Variants in MPDZ observed in about 807,000 individuals in gnomAD.
MPDZ encodes the protein multiple PDZ domain crumbs cell polarity complex component.
MPDZ carries 234 observed loss-of-function variants against 239.1 expected under a neutral mutation model. That is an observed-to-expected ratio of 0.98 (90% CI 0.88 to 1.09). The LOEUF is 1.09. MPDZ is among the 50% of genes least tolerant of loss of function. The probability of loss-of-function intolerance (pLI) is 0.00; values close to 1 mark genes in which losing one functional copy is unlikely to be tolerated. For missense variants in MPDZ, 3,175 were observed against 2,510.0 expected (o/e 1.26, Z -5.66); for synonymous variants, 1,048 against 881.3 (o/e 1.19, Z -3.35).
intron 3 of MPDZ, among the ~76,000 whole-genome samples, chr9:13,245,022 T>G (rs1156860777): frequency 6.6e-6 from 1 of 152,086 alleles, no homozygotes; most frequent in African/African-American, 2.4e-5. Context: ...AATTATACAT[T>G]TGAAAACAGG....
At chr9:13,263,120 G>A (rs1018975952) in intron 1 of MPDZ, among the ~76,000 whole-genome samples, 2 of 152,050 alleles carry the variant, frequency 1.3e-5, no homozygotes, top group African/African-American at 4.8e-5. Flanking sequence ...ATGATATAAT[G>A]TCCACAATTT....
chr9:13,180,046 A>G (rs1255227315), intron 19 of MPDZ, among the ~76,000 whole-genome samples: 4 of 152,108 alleles, frequency 2.6e-5, no homozygotes, highest in African/African-American at 9.7e-5. Context: ...AAAAGGCAAC[A>G]TCTTTTATAC....
intron 27 of MPDZ, 62 bp downstream of exon 27, chr9:13,143,404 G>C: frequency 7.9e-7 from 1 of 1,259,532 alleles, no homozygotes; most frequent in South Asian, 1.2e-5. Context: ...AGACACAGTA[G>C]TAACAAAGAA....
rs186768883 is a variant in MPDZ at position 13,151,721 on chromosome 9, G to A, written c.3453-1033C>T. Among the ~76,000 whole-genome samples, 8 of 152,124 alleles carry A rather than the reference G, an allele frequency of 5.3e-5. No individual in the cohort carries two copies. In the East Asian group the frequency reaches 1.4e-3, roughly 26 times the overall value. On this transcript the variant is annotated intron_variant, in intron 24 of 46. Transcript: ENST00000319217. ...AAAAGTTCTGTAGCTAGACGGTGGTGGTGACTGTAGAGCAATGTGAATGTA... is the reference window on the plus strand; with the variant it reads ...AAAAGTTCTGTAGCTAGACGGTGGTAGTGACTGTAGAGCAATGTGAATGTA...
intron 30 of MPDZ, 69 bp from the exon 31 acceptor site, chr9:13,136,251 C>G: frequency 9.7e-7 from 1 of 1,031,514 alleles, no homozygotes; most frequent in Non-Finnish European, 1.4e-6. Flanking sequence ...CTTCAAGAGT[C>G]AGAAGGTTAT....
chr9:13,278,725 C>T (rs551072150), intron 1 of MPDZ, among the ~76,000 whole-genome samples: 50 of 152,198 alleles, frequency 3.3e-4, no homozygotes, highest in African/African-American at 1.2e-3. Flanking sequence ...AAAAGGGCGC[C>T]GGTGCCAGGG....
At chr9:13,265,368 A>G (rs955269364) in intron 1 of MPDZ, among the ~76,000 whole-genome samples, 1 of 152,180 alleles carries the variant, frequency 6.6e-6, no homozygotes, top group Non-Finnish European at 1.5e-5. Flanking sequence ...TCGGGAGTTC[A>G]AGAAAAGCCT....
chr9:13,187,364 A>G (rs1050736448), intron 17 of MPDZ, among the ~76,000 whole-genome samples: 1 of 152,180 alleles, frequency 6.6e-6, no homozygotes, highest in African/African-American at 2.4e-5. Context: ...ACTAAAAGGT[A>G]TATTGAGTCA....
At chr9:13,278,468 T>G (rs890065478) in intron 1 of MPDZ, among the ~76,000 whole-genome samples, 2 of 152,154 alleles carry the variant, frequency 1.3e-5, no homozygotes, top group Non-Finnish European at 2.9e-5. Flanking sequence ...GATTTCCATG[T>G]GACTGCAGGC....
At position 13,106,961 on chromosome 9, in the gene MPDZ, C is replaced by A; in HGVS notation, c.*4G>T. On this transcript the variant is annotated 3_prime_UTR_variant, in exon 47 of 47. Transcript: ENST00000319217. ...GTTGGGTTGGTTCAATTCTGGCAGC[C>A]AATTCAAGAGAGAACCATCAAAGTG... 1 of 1,613,074 alleles carries A rather than the reference C, an allele frequency of 6.2e-7. No homozygotes were observed. The highest frequency in any genetic ancestry group is 1.3e-5 in the African/African-American group (1 of 75,012).
chr9:13,117,701 G>C (rs185355177), intron 39 of MPDZ, among the ~76,000 whole-genome samples: 1 of 152,078 alleles, frequency 6.6e-6, no homozygotes, highest in Admixed American at 6.5e-5. Context: ...GGAACTTTAC[G>C]TGCATGAAGT....
At chr9:13,238,270 T>C (rs569228843) in intron 3 of MPDZ, among the ~76,000 whole-genome samples, 2 of 152,242 alleles carry the variant, frequency 1.3e-5, no homozygotes, top group South Asian at 4.1e-4. Context: ...GCCAGCCATG[T>C]GTACAGTAAG....
intron 12 of MPDZ, among the ~76,000 whole-genome samples, chr9:13,203,631 G>C (rs1165656197): frequency 6.6e-6 from 1 of 151,988 alleles, no homozygotes; most frequent in Admixed American, 6.6e-5. Context: ...TACTAGGGCA[G>C]ATGCATTAAA....
In MPDZ at chr9:13,186,449, AAAG is replaced by A. The variant is rs1203655321; in HGVS notation, c.2365-66_2365-64del. The A allele has an allele frequency of 1.8e-5, 22 of 1,195,404 alleles. No homozygotes were observed. The African/African-American group carries it at 2.4e-4, about 13-fold the overall frequency. 74.0% of individuals were successfully genotyped at this position (1,195,404 alleles called of 1,614,324 possible). ...AACAGCAAAGAAGAAAGAAAATGGA[AAAG>A]AAGAGTAAAGGTAGGAAAAGTGAGG... On this transcript the variant is annotated intron_variant, in intron 17 of 46. Transcript: ENST00000319217.
chr9:13,129,587 AACTT>A (rs1255739354), intron 32 of MPDZ, among the ~76,000 whole-genome samples: 2 of 152,208 alleles, frequency 1.3e-5, no homozygotes, highest in African/African-American at 4.8e-5. Flanking sequence ...TCAACTTTCC[AACTT>A]ACTTTTACCA....
chr9:13,208,487 T>C (rs546251805), intron 10 of MPDZ, among the ~76,000 whole-genome samples: 10 of 151,612 alleles, frequency 6.6e-5, no homozygotes, highest in South Asian at 2.1e-4. Context: ...CCTAGATCAG[T>C]TGTCTCCAAG....
At chr9:13,250,235 G>A in intron 2 of MPDZ, 65 bp downstream of exon 2, 1 of 1,484,956 alleles carries the variant, frequency 6.7e-7, no homozygotes, top group East Asian at 2.3e-5. Flanking sequence ...CACAACATAT[G>A]TCAAAAATCC....
At chr9:13,192,644 TA>T (rs145640097) in intron 14 of MPDZ, among the ~76,000 whole-genome samples, 6 of 148,748 alleles carry the variant, frequency 4.0e-5, no homozygotes, top group African/African-American at 9.8e-5. Flanking sequence ...AATTATAAAG[TA>T]AAAAAAAAAT....
chr9:13,255,912 T>G (rs568500972), intron 1 of MPDZ, among the ~76,000 whole-genome samples: 1 of 152,218 alleles, frequency 6.6e-6, no homozygotes, highest in Non-Finnish European at 1.5e-5. Flanking sequence ...TTTAAAGCTT[T>G]GAAGCCAGAC....
Sources: gnomAD v4.1 joint callset for allele counts (sites outside exome capture counted in the v4.1 genomes callset) on GRCh38, gnomAD v4.1.1 for gene constraint, MANE v1.5 for transcripts, NCBI Gene and HGNC (gene_info 2026-07-23, HGNC 2026-07-21) for gene names.